The following PCGF5 variants were observed in gnomAD, a reference collection of about 807,000 sequenced individuals.
PCGF5 encodes the protein polycomb group RING finger protein 5.
PCGF5 carries 9 observed loss-of-function variants against 44.3 expected under a neutral mutation model. The observed-to-expected ratio is 0.20, with a 90% CI of 0.12 to 0.35. The LOEUF is 0.35. PCGF5 is among the 10% of genes least tolerant of loss of function. The pLI, the probability that PCGF5 is intolerant of heterozygous loss-of-function variation, is 1.00. For missense variants in PCGF5, 146 were observed against 305.3 expected, an observed-to-expected ratio of 0.48 and a Z score of 3.89; for synonymous variants, 95 against 102.5, an observed-to-expected ratio of 0.93 and a Z score of 0.44.
intron 1 of PCGF5, among the ~76,000 whole-genome samples, chr10:91,172,612 C>T (rs2288): frequency 4.8e-4 from 73 of 152,174 alleles, no homozygotes; most frequent in African/African-American, 1.7e-3. Flanking sequence ...TCATCTCTCT[C>T]CTTTAAACAC....
rs373340139 is a variant in PCGF5 at position 91,248,500 on chromosome 10, C to T, written c.210-5C>T. 16 of 1,610,238 alleles carry T rather than the reference C, an allele frequency of 9.9e-6. No homozygotes were observed. Among genetic ancestry groups the T allele is most frequent in the South Asian group, 3.3e-5 (3 of 90,946 alleles). Reference sequence around the variant, plus strand: ...TTAGTATTTTCTTTCTCCCCCCTTTCGAAGGTTGGACAATACATTAGAGGA... The same window carrying T: ...TTAGTATTTTCTTTCTCCCCCCTTTTGAAGGTTGGACAATACATTAGAGGA... On this transcript the variant is annotated splice_region_variant and splice_polypyrimidine_tract_variant and intron_variant, in intron 3 of 9. Coordinates refer to ENST00000336126, the MANE Select transcript of PCGF5 (RefSeq NM_032373.5).
At chr10:91,220,505 G>C (rs2133270941), upstream of PCGF5, 1 of 152,544 alleles carries the variant, frequency 6.6e-6, no homozygotes, top group South Asian at 1.8e-4. Flanking sequence ...CCTGCGAGCA[G>C]CGCAGGCGGC....
chr10:91,199,347 A>T (rs1356476072), intron 1 of PCGF5, among the ~76,000 whole-genome samples: 1 of 152,246 alleles, frequency 6.6e-6, no homozygotes, highest in African/African-American at 2.4e-5. Flanking sequence ...TGAGCTGTAG[A>T]GCCAGCATGG....
intron 6 of PCGF5, among the ~76,000 whole-genome samples, chr10:91,255,371 T>C (rs1169351903): frequency 6.6e-6 from 1 of 152,138 alleles, no homozygotes; most frequent in East Asian, 1.9e-4. Context: ...CACGTGCATA[T>C]GTAGAGTTGT....
chr10:91,246,252 CTATT>C (rs1845457474), intron 3 of PCGF5, among the ~76,000 whole-genome samples: 1 of 152,122 alleles, frequency 6.6e-6, no homozygotes, highest in Admixed American at 6.6e-5. Flanking sequence ...TTCACTCCTA[CTATT>C]AAATAGTCTG....
Position 91,282,921 on chromosome 10 carries a change from A to T in PCGF5, c.*4605A>T, listed in dbSNP as rs753704129. ...AATATTTTGTAATATATATTCCTAC[A>T]GTTTGGGTAGAAATAAGGAACATGT... On this transcript the variant is annotated 3_prime_UTR_variant, in exon 10 of 10. Transcript: ENST00000336126. 5.2e-5 allele frequency: 8 copies of T among 152,452 alleles called. No homozygotes were observed. The highest frequency in any genetic ancestry group is 1.0e-4 in the Non-Finnish European group (7 of 68,034). The allele number at this position is 152,452 out of a possible 1,614,324, so 9.4% of individuals were successfully genotyped here.
At chr10:91,171,256 A>C (rs535904119) in intron 1 of PCGF5, among the ~76,000 whole-genome samples, 1 of 152,224 alleles carries the variant, frequency 6.6e-6, no homozygotes, top group Non-Finnish European at 1.5e-5. Context: ...AAACAAAAGG[A>C]AATTTTGAGT....
At chr10:91,276,118 G>A (rs1350206264) in intron 9 of PCGF5, among the ~76,000 whole-genome samples, 1 of 145,800 alleles carries the variant, frequency 6.9e-6, no homozygotes, top group Non-Finnish European at 1.5e-5. Flanking sequence ...AAAAAAAAAC[G>A]AATGTAGATA....
chr10:91,181,433 C>CA (rs57550882), intron 1 of PCGF5, among the ~76,000 whole-genome samples: 8,523 of 152,214 alleles, frequency 0.056, 721 homozygotes, highest in African/African-American at 0.19. Context: ...TGTCTTGTGC[C>CA]AGTTTTCAAG....
intron 6 of PCGF5, among the ~76,000 whole-genome samples, chr10:91,259,072 T>C (rs1350870098): frequency 6.6e-6 from 1 of 152,200 alleles, no homozygotes; most frequent in Admixed American, 6.6e-5. Flanking sequence ...TTATTATGTC[T>C]ACAACCTCAT....
intron 8 of PCGF5, among the ~76,000 whole-genome samples, chr10:91,266,887 C>T (rs1489221094): frequency 2.0e-5 from 3 of 152,182 alleles, no homozygotes; most frequent in South Asian, 2.1e-4. Context: ...AACCCACCAT[C>T]GCCATTCTCC....
At chr10:91,173,859 A>G (rs1390480423) in intron 1 of PCGF5, among the ~76,000 whole-genome samples, 1 of 151,792 alleles carries the variant, frequency 6.6e-6, no homozygotes, top group African/African-American at 2.4e-5. Flanking sequence ...AAATTGTGAT[A>G]CTCATATGTC....
At chr10:91,270,287 ACCATGCTTG>A (rs1355512936) in intron 8 of PCGF5, among the ~76,000 whole-genome samples, 1 of 152,122 alleles carries the variant, frequency 6.6e-6, no homozygotes, top group Non-Finnish European at 1.5e-5. Context: ...AAGTTACTAC[ACCATGCTTG>A]TCTTCCTTTG....
rs1339145430 is a variant in PCGF5, at chr10:91,280,812, C to T, written c.*2496C>T. 1 of 152,172 alleles carries T rather than the reference C, an allele frequency of 6.6e-6. No individual in the cohort carries two copies. 9.4% of individuals were successfully genotyped at this position (152,172 alleles called of 1,614,324 possible). ...ACTAGGTATAGAAAAAATGTACAGG[C>T]AACTTTTGTGGTTAGCTTTATAAAT... is the stretch of plus-strand genomic sequence containing the variant. On this transcript the variant is annotated 3_prime_UTR_variant, in exon 10 of 10. Coordinates refer to ENST00000336126, the MANE Select transcript of PCGF5 (RefSeq NM_032373.5).
In PCGF5 at chr10:91,278,555, C is replaced by G. The variant is rs1160903147; in HGVS notation, c.*239C>G. 3 of 449,962 alleles carry G rather than the reference C, an allele frequency of 6.7e-6. No individual in the cohort carries two copies. The highest frequency in any genetic ancestry group is 4.0e-5 in the African/African-American group (2 of 50,258). 27.9% of individuals were successfully genotyped at this position (449,962 alleles called of 1,614,324 possible). On this transcript the variant is annotated 3_prime_UTR_variant, in exon 10 of 10. Transcript: ENST00000336126. ...GGTATTTGTGTTGTCTCAAAGTGTGCAAGTCATGGTAAAAATCAGTTAGCT... is the reference window on the plus strand; with the variant it reads ...GGTATTTGTGTTGTCTCAAAGTGTGGAAGTCATGGTAAAAATCAGTTAGCT...
chr10:91,164,935 TA>T (rs1274592092), intron 1 of PCGF5, among the ~76,000 whole-genome samples: 3 of 152,246 alleles, frequency 2.0e-5, no homozygotes, highest in Non-Finnish European at 2.9e-5. Flanking sequence ...TCCACTATGC[TA>T]GGGATTTGGG....
upstream of PCGF5, among the ~76,000 whole-genome samples, chr10:91,158,430 G>T (rs1234643266): frequency 6.6e-6 from 1 of 152,186 alleles, no homozygotes. Context: ...GATTTGAAGG[G>T]GGAGGAGGAA....
rs148015263 is a variant in PCGF5 at position 91,272,899 on chromosome 10, A to G, written c.723+1202A>G. On this transcript the variant is annotated intron_variant, in intron 9 of 9. Coordinates refer to ENST00000336126, the MANE Select transcript of PCGF5 (RefSeq NM_032373.5). ...TAATTGTAATTACATAACAAACTTA[A>G]CTGGCATACTTACCTCCAGTGTTAC... Among the ~76,000 whole-genome samples the G allele has an allele frequency of 1.9e-3, 291 of 152,348 alleles. 3 individuals carry two copies. The highest frequency in any genetic ancestry group is 0.016 in the South Asian group (77 of 4,832).
At chr10:91,199,618 G>A (rs1844210555) in intron 1 of PCGF5, among the ~76,000 whole-genome samples, 1 of 152,172 alleles carries the variant, frequency 6.6e-6, no homozygotes, top group Non-Finnish European at 1.5e-5. Flanking sequence ...TTCAGCCACG[G>A]CTCCAAAATA....
Sources: allele counts gnomAD v4.1 joint callset (sites outside exome capture counted in the v4.1 genomes callset), GRCh38; gene constraint gnomAD v4.1.1; transcripts MANE v1.5; gene names NCBI Gene and HGNC (gene_info 2026-07-23, HGNC 2026-07-21).